Variants in TMPRSS15 observed in about 807,000 individuals in gnomAD.
The protein encoded by TMPRSS15 is enteropeptidase.
In TMPRSS15, 128 loss-of-function variants were observed where a neutral mutation model predicts 125.3. That is an observed-to-expected ratio of 1.02 (90% CI 0.89 to 1.18). TMPRSS15 has a LOEUF of 1.18. Among genes scored for constraint, TMPRSS15 ranks in the 50% most tolerant of loss-of-function variants. TMPRSS15 has a pLI of 0.00. For synonymous variants in TMPRSS15, 446 were observed against 423.2 expected (o/e 1.05, Z -0.66); for missense variants, 1,283 against 1,212.7 (o/e 1.06, Z -0.86).
At position 18,457,802 on chromosome 21, in the gene TMPRSS15, C is replaced by A. The variant is rs77564566; in HGVS notation, c.10+27997G>T. On this transcript the variant is annotated intron_variant, in intron 1 of 7. Transcript: ENST00000422787. Reference sequence around the variant, plus strand: ...GATTTCTAAAAACCACTAAAAATGGCCGAATCCTTATCAATAGATGGACAC... The same window carrying A: ...GATTTCTAAAAACCACTAAAAATGGACGAATCCTTATCAATAGATGGACAC... 7.3e-3 allele frequency among the ~76,000 whole-genome samples: 1,108 copies of A among 152,188 alleles called. 15 individuals are homozygous for A. The highest frequency in any genetic ancestry group is 0.025 in the African/African-American group (1,055 of 41,544).
chr21:18,422,187 T>C, intron 1 of TMPRSS15, among the ~76,000 whole-genome samples: 1 of 152,032 alleles, frequency 6.6e-6, no homozygotes, highest in Non-Finnish European at 1.5e-5. Context: ...GGTTTCACCA[T>C]GTTGGCGAGA....
intron 24 of TMPRSS15, among the ~76,000 whole-genome samples, chr21:18,270,353 C>A (rs1043653863): frequency 1.3e-5 from 2 of 152,092 alleles, no homozygotes; most frequent in Non-Finnish European, 2.9e-5. Flanking sequence ...TTTTACAGTG[C>A]ACCTTTTTAG....
chr21:18,368,835 A>G (rs1221002483), intron 6 of TMPRSS15, among the ~76,000 whole-genome samples: 1 of 152,224 alleles, frequency 6.6e-6, no homozygotes, highest in Non-Finnish European at 1.5e-5. Context: ...GGAGTATTGA[A>G]GTATTTCTAA....
chr21:18,419,634 C>T (rs964719507), intron 1 of TMPRSS15, among the ~76,000 whole-genome samples: 1 of 152,116 alleles, frequency 6.6e-6, no homozygotes, highest in Admixed American at 6.5e-5. Context: ...CTTTCCTCCC[C>T]GAAATTTTAA....
chr21:18,346,589 G>A (rs928181835), intron 10 of TMPRSS15, among the ~76,000 whole-genome samples: 2 of 151,978 alleles, frequency 1.3e-5, no homozygotes, highest in Admixed American at 6.6e-5. Context: ...TTGAGAAGCC[G>A]TCAATTAGCT....
intron 17 of TMPRSS15, among the ~76,000 whole-genome samples, chr21:18,313,669 G>T (rs2075126617): frequency 6.6e-6 from 1 of 151,650 alleles, no homozygotes. Flanking sequence ...AGAGCATGAT[G>T]GAAGGTCTAA....
rs200141519 is a variant in TMPRSS15, at chr21:18,396,847, T to TATCTATCTATCTATC, written c.344+1031_344+1032insGATAGATAGATAGAT. On this transcript the variant is annotated intron_variant, in intron 3 of 24. Coordinates refer to ENST00000284885, the MANE Select transcript of TMPRSS15 (RefSeq NM_002772.3). ...CTATCTATCTATCTATCTATCTATC[T>TATCTATCTATCTATC]ATCTTAAGTCACAAAAGGCTTGGCC... Among the ~76,000 whole-genome samples the TATCTATCTATCTATC allele has an allele frequency of 2.1e-3, 286 of 139,488 alleles. 2 individuals are homozygous for TATCTATCTATCTATC. Among genetic ancestry groups the TATCTATCTATCTATC allele is most frequent in the African/African-American group, 7.0e-3 (273 of 38,740 alleles). 91.5% of individuals were successfully genotyped at this position (139,488 alleles called of 152,430 possible).
At chr21:18,353,892 T>C in intron 8 of TMPRSS15, 29 bp from the exon 9 acceptor site, 6 of 1,590,452 alleles carry the variant, frequency 3.8e-6, no homozygotes, top group Non-Finnish European at 5.2e-6. Context: ...AACTGTTATA[T>C]GTATATATCT....
intron 1 of TMPRSS15, among the ~76,000 whole-genome samples, chr21:18,466,187 G>A (rs11910065): frequency 0.029 from 4,371 of 152,266 alleles, 128 homozygotes; most frequent in African/African-American, 0.081. Flanking sequence ...AATAAATGGT[G>A]TTGGGAAAAC....
intron 18 of TMPRSS15, among the ~76,000 whole-genome samples, chr21:18,312,339 C>T (rs1040510426): frequency 6.6e-6 from 1 of 151,768 alleles, no homozygotes; most frequent in Non-Finnish European, 1.5e-5. Flanking sequence ...AGGTATAATA[C>T]ATTTTTGATG....
chr21:18,381,623 C>G (rs1462596512), intron 4 of TMPRSS15, among the ~76,000 whole-genome samples: 1 of 152,056 alleles, frequency 6.6e-6, no homozygotes, highest in Admixed American at 6.6e-5. Context: ...GATACTAATT[C>G]TAAATTAACT....
chr21:18,413,551 G>C (rs1007401830), intron 1 of TMPRSS15, among the ~76,000 whole-genome samples: 5 of 150,180 alleles, frequency 3.3e-5, no homozygotes, highest in African/African-American at 1.2e-4. Context: ...CGAGTAGCTG[G>C]GATTACAGGC....
chr21:18,421,536 G>T (rs1336471530), intron 1 of TMPRSS15, among the ~76,000 whole-genome samples: 1 of 151,996 alleles, frequency 6.6e-6, no homozygotes, highest in Non-Finnish European at 1.5e-5. Context: ...TCTTTCTTAG[G>T]GTTCATTAAT....
Position 18,432,775 on chromosome 21 carries a change from G to A in TMPRSS15, c.11-34446C>T, listed in dbSNP as rs1421041225. ...AGATAAGAAATTTCTGTTGTTTAAA[G>A]CCACCAGCTTGTGGCACTTTGTTTA... On this transcript the variant is annotated intron_variant, in intron 1 of 7. Coordinates refer to the TMPRSS15 transcript ENST00000422787. Among the ~76,000 whole-genome samples, 3 of 152,050 alleles carry A rather than the reference G, an allele frequency of 2.0e-5. No homozygotes were observed. The East Asian group carries it at 5.8e-4, about 29-fold the overall frequency.
intron 1 of TMPRSS15, among the ~76,000 whole-genome samples, chr21:18,449,224 A>G (rs190882729): frequency 1.5e-4 from 23 of 152,312 alleles, no homozygotes; most frequent in Non-Finnish European, 2.8e-4. Flanking sequence ...TAGAATTTCT[A>G]TATAAAATAC....
intron 15 of TMPRSS15, 70 bp downstream of exon 15, chr21:18,329,099 G>T: frequency 6.5e-7 from 1 of 1,544,302 alleles, no homozygotes; most frequent in Non-Finnish European, 8.8e-7. Flanking sequence ...CATTAATTAA[G>T]AAACGCTCTT....
intron 1 of TMPRSS15, among the ~76,000 whole-genome samples, chr21:18,468,343 T>C (rs1978707480): frequency 6.6e-6 from 1 of 152,296 alleles, no homozygotes; most frequent in Non-Finnish European, 1.5e-5. Flanking sequence ...ATTTCAATTA[T>C]GGTGACACAG....
chr21:18,411,690 TC>T (rs2076166335), intron 1 of TMPRSS15, among the ~76,000 whole-genome samples: 1 of 152,148 alleles, frequency 6.6e-6, no homozygotes, highest in Non-Finnish European at 1.5e-5. Flanking sequence ...AATTCTTGCT[TC>T]CTCGCCCTTC....
intron 1 of TMPRSS15, among the ~76,000 whole-genome samples, chr21:18,434,674 T>C (rs1203966320): frequency 6.6e-6 from 1 of 152,062 alleles, no homozygotes; most frequent in East Asian, 1.9e-4. Context: ...ATCTCTTACT[T>C]CTTCTGAATA....
Sources: allele counts gnomAD v4.1 joint callset (sites outside exome capture counted in the v4.1 genomes callset), GRCh38; gene constraint gnomAD v4.1.1; transcripts MANE v1.5; gene names NCBI Gene and HGNC (gene_info 2026-07-23, HGNC 2026-07-21).